UNC93A: variants seen among roughly 807,000 people sequenced by gnomAD.
UNC93A encodes the protein unc-93 homolog A, also known as N-acetylglucosamine transporter UNC93A.
UNC93A carries 43 observed loss-of-function variants against 47.5 expected under a neutral mutation model. The ratio of observed to expected loss-of-function variants is 0.91; its 90% CI spans 0.71 to 1.17. The LOEUF is 1.17. Ranked by LOEUF, UNC93A falls within the 50% of genes most tolerant of loss-of-function variation. UNC93A has a pLI of 0.00. For missense variants in UNC93A, 605 were observed against 577.6 expected (o/e 1.05, Z -0.49); for synonymous variants, 280 against 258.0 (o/e 1.09, Z -0.82).
intron 4 of UNC93A, among the ~76,000 whole-genome samples, chr6:167,301,775 G>A (rs1453429511): frequency 3.3e-5 from 5 of 152,290 alleles, no homozygotes; most frequent in East Asian, 1.9e-4. Flanking sequence ...TGAAGAAGGC[G>A]CTGCCTTCAG....
At position 167,306,069 on chromosome 6, in the gene UNC93A, C is replaced by G; in HGVS notation, c.976+19C>G. The G allele has an allele frequency of 6.2e-7, 1 of 1,613,224 alleles. No individual in the cohort carries two copies. The highest frequency in any genetic ancestry group is 8.5e-7 in the Non-Finnish European group (1 of 1,179,478). ...GTGCTGGGTAGGTATCAGCGTGGGT[C>G]CCATCCCAGCTGTCATAACGATTTG... On this transcript the variant is annotated intron_variant, in intron 6 of 7. Transcript: ENST00000230256.
At chr6:167,304,655 C>G (rs1210336727) in intron 5 of UNC93A, among the ~76,000 whole-genome samples, 1 of 152,118 alleles carries the variant, frequency 6.6e-6, no homozygotes, top group African/African-American at 2.4e-5. Context: ...ACCGCAACCT[C>G]TGCCTCCCAG....
At chr6:167,299,507 A>G (rs1459091256) in intron 4 of UNC93A, among the ~76,000 whole-genome samples, 1 of 152,206 alleles carries the variant, frequency 6.6e-6, no homozygotes, top group Non-Finnish European at 1.5e-5. Context: ...GTGCTAGGCC[A>G]TGCTAGGCCT....
At chr6:167,310,756 CT>C (rs1489039275) in intron 7 of UNC93A, among the ~76,000 whole-genome samples, 2 of 152,146 alleles carry the variant, frequency 1.3e-5, no homozygotes, top group African/African-American at 2.4e-5. Flanking sequence ...TGGCACATGC[CT>C]GTAGTCTCAG....
In UNC93A at chr6:167,315,385, C is replaced by T. The variant is rs143170096; in HGVS notation, c.1307C>T (p.Pro436Leu). ...GTGGAGTGCGTGGAGTCCAAGAACCCGATCAGACCCCACGCTCCAGGACAG... is the reference window on the plus strand; with the variant it reads ...GTGGAGTGCGTGGAGTCCAAGAACCTGATCAGACCCCACGCTCCAGGACAG... Reference protein sequence around the residue: ...GLVECVESKNPIRPHAPGQVN... With the variant: ...GLVECVESKNLIRPHAPGQVN... The change falls in exon 8 of 8, where the codon CCG becomes CTG. Residue 436 changes from proline (P) to leucine (L), a missense_variant. Coordinates refer to ENST00000230256, the MANE Select transcript of UNC93A (RefSeq NM_018974.4). 338 of 1,613,872 alleles carry T rather than the reference C, an allele frequency of 2.1e-4. No homozygotes were observed. In the African/African-American group the frequency reaches 4.0e-3, roughly 19 times the overall value.
upstream of UNC93A, among the ~76,000 whole-genome samples, chr6:167,288,217 G>C (rs1783774576): frequency 6.6e-6 from 1 of 152,152 alleles, no homozygotes; most frequent in Admixed American, 6.5e-5. Context: ...TTGGCTGAGG[G>C]CCTGACATAG....
chr6:167,269,843 C>T (rs191243050), upstream of UNC93A, among the ~76,000 whole-genome samples: 921 of 152,138 alleles, frequency 6.1e-3, 22 homozygotes, highest in East Asian at 0.091. Context: ...TCTCTATCTC[C>T]TGACCTCGTG....
intron 3 of UNC93A, among the ~76,000 whole-genome samples, chr6:167,296,892 C>T (rs1778105705): frequency 6.6e-6 from 1 of 152,190 alleles, no homozygotes. Context: ...ACCAATCCAG[C>T]CCTCCTGACT....
At chr6:167,286,218 T>C (rs1562344491) in intron 1 of UNC93A, among the ~76,000 whole-genome samples, 1 of 152,208 alleles carries the variant, frequency 6.6e-6, no homozygotes, top group Non-Finnish European at 1.5e-5. Flanking sequence ...ATCGAGTACC[T>C]TTCCAGTCTG....
chr6:167,308,335 C>T lies in UNC93A; in HGVS notation c.1108+425C>T, dbSNP rs540898716. On this transcript the variant is annotated intron_variant, in intron 7 of 7. Coordinates refer to ENST00000230256, the MANE Select transcript of UNC93A (RefSeq NM_018974.4). ...CATGCAGAGCCTTCCAAGGAGCCCA[C>T]GGGACGATGGGAGGTGGCAGTGTGA... Among the ~76,000 whole-genome samples, 15 of 152,216 alleles carry T rather than the reference C, an allele frequency of 9.9e-5. 1 individual carries two copies. The highest frequency in any genetic ancestry group is 2.9e-4 in the African/African-American group (12 of 41,528).
upstream of UNC93A, among the ~76,000 whole-genome samples, chr6:167,288,418 C>T (rs1026409587): frequency 6.6e-6 from 1 of 150,772 alleles, no homozygotes; most frequent in Non-Finnish European, 1.5e-5. Flanking sequence ...TCTCTCAAGC[C>T]ATGGTTGTGT....
chr6:167,295,018 C>A (rs1778014605), intron 2 of UNC93A, among the ~76,000 whole-genome samples: 1 of 152,150 alleles, frequency 6.6e-6, no homozygotes, highest in African/African-American at 2.4e-5. Context: ...ACAGGGGACT[C>A]TAACTGCAAT....
chr6:167,309,311 G>A (rs1291071367), intron 7 of UNC93A, among the ~76,000 whole-genome samples: 1 of 152,202 alleles, frequency 6.6e-6, no homozygotes, highest in African/African-American at 2.4e-5. Flanking sequence ...AGCTGGGGCA[G>A]TGTGTGTGGC....
chr6:167,287,898 C>G (rs115938385), upstream of UNC93A, among the ~76,000 whole-genome samples: 3 of 152,154 alleles, frequency 2.0e-5, no homozygotes, highest in African/African-American at 7.2e-5. Flanking sequence ...GGTGATCAAT[C>G]ACAGAGCTGC....
At chr6:167,293,774 TC>T (rs1355570554) in intron 1 of UNC93A, among the ~76,000 whole-genome samples, 1 of 152,102 alleles carries the variant, frequency 6.6e-6, no homozygotes, top group Admixed American at 6.5e-5. Flanking sequence ...TTGTGGCACC[TC>T]CCCCTGTAGC....
upstream of UNC93A, among the ~76,000 whole-genome samples, chr6:167,270,359 T>C (rs1320701476): frequency 6.6e-6 from 1 of 152,036 alleles, no homozygotes; most frequent in Non-Finnish European, 1.5e-5. Context: ...AAACTGGCCT[T>C]AACTATGAGC....
At position 167,303,986 on chromosome 6, in the gene UNC93A, A is replaced by G. The variant is rs964811812; in HGVS notation, c.693A>G (p.Glu231=). ...AACCCATACGAGATGTTCAGCGGGAAAGTGAAGGAGAGAAGAAATCAGTAC... is the reference window on the plus strand; with the variant it reads ...AACCCATACGAGATGTTCAGCGGGAGAGTGAAGGAGAGAAGAAATCAGTAC... ...FLQPIRDVQR[E]SEGEKKSVPF... The change falls in exon 5 of 8, where the codon GAA becomes GAG. Residue 231 remains glutamate, a synonymous_variant. Transcript: ENST00000230256. 6.2e-7 allele frequency: 1 copy of G among 1,613,544 alleles called. No homozygotes were observed. Among genetic ancestry groups the G allele is most frequent in the Non-Finnish European group, 8.5e-7 (1 of 1,179,960 alleles).
Position 167,303,900 on chromosome 6 carries a change from C to T in UNC93A, c.626-19C>T. 2 of 1,613,564 alleles carry T rather than the reference C, an allele frequency of 1.2e-6. No homozygotes were observed. Among genetic ancestry groups the T allele is most frequent in the Non-Finnish European group, 1.7e-6 (2 of 1,179,758 alleles). On this transcript the variant is annotated intron_variant, in intron 4 of 7. Transcript: ENST00000230256. Reference sequence around the variant, plus strand: ...TCTGGGCCCCCATGAAAGCTGAAGCCTTTGCTATGTCCTTTCAGGGAGTGG... The same window carrying T: ...TCTGGGCCCCCATGAAAGCTGAAGCTTTTGCTATGTCCTTTCAGGGAGTGG...
intron 1 of UNC93A, among the ~76,000 whole-genome samples, chr6:167,283,139 T>C (rs555041744): frequency 6.6e-6 from 1 of 152,332 alleles, no homozygotes; most frequent in African/African-American, 2.4e-5. Context: ...GAGGATTCTT[T>C]AGAAAATGTA....
Sources: gnomAD v4.1 joint callset for allele counts (sites outside exome capture counted in the v4.1 genomes callset) on GRCh38, gnomAD v4.1.1 for gene constraint, MANE v1.5 for transcripts, NCBI Gene and HGNC (gene_info 2026-07-23, HGNC 2026-07-21) for gene names.